BAHCC1: variants seen among roughly 807,000 people sequenced by gnomAD.
BAHCC1 encodes the protein BAH domain and coiled-coil containing 1.
In BAHCC1, 43 loss-of-function variants were observed where a neutral mutation model predicts 88.2. The ratio of observed to expected loss-of-function variants is 0.49; its 90% CI spans 0.38 to 0.63. The LOEUF (loss-of-function observed/expected upper bound fraction) is 0.63. Among genes scored for constraint, BAHCC1 ranks in the 20% least tolerant of loss-of-function variants. The pLI, the probability that BAHCC1 is intolerant of heterozygous loss-of-function variation, is 0.00. For synonymous variants in BAHCC1, 1,510 were observed against 745.5 expected (o/e 2.03, Z -16.71); for missense variants, 3,023 against 1,654.8 (o/e 1.83, Z -14.34).
rs1567997836 is a variant in BAHCC1, at chr17:81,411,327, C to G, written c.178+11410C>G. ...GAGCTGGACGTGCCGTCAGCCCAGGCCCCTGAGAGTGAGGCTGGAGAGACG... is the reference window on the plus strand; with the variant it reads ...GAGCTGGACGTGCCGTCAGCCCAGGGCCCTGAGAGTGAGGCTGGAGAGACG... On this transcript the variant is annotated intron_variant, in intron 2 of 27. Transcript: ENST00000675386. The surrounding 1 kb of genome is among the most constrained non-coding windows in gnomAD (Gnocchi z 6.2). 1.3e-5 allele frequency among the ~76,000 whole-genome samples: 2 copies of G among 151,954 alleles called. No homozygotes were observed. The highest frequency in any genetic ancestry group is 2.9e-5 in the Non-Finnish European group (2 of 67,946).
rs782320267 is a variant in BAHCC1 at position 81,461,679 on chromosome 17, C to T, written c.7016C>T (p.Ser2339Phe). 20 of 723,674 alleles carry T rather than the reference C, an allele frequency of 2.8e-5. No individual in the cohort carries two copies. The highest frequency in any genetic ancestry group is 5.2e-5 in the African/African-American group (3 of 57,656). 44.8% of individuals were successfully genotyped at this position (723,674 alleles called of 1,614,324 possible). A position where few individuals can be genotyped will look rare whatever the true frequency, so the allele number is the denominator to read the frequency against. ...TCCGTGTCCACCTCCAGCCTCTGCT[C>T]CTCCGACAACGAGGACTCGTCCTAC... Reference protein sequence around the residue: ...SGSVSTSSLCSSDNEDSSYSS... With the variant: ...SGSVSTSSLCFSDNEDSSYSS... Residue 2339 changes from serine to phenylalanine, a missense_variant, in exon 26 of 28, where the codon TCC (serine) becomes TTC (phenylalanine). By Grantham distance (155) the Ser-to-Phe change is radical. Transcript: ENST00000675386.
In BAHCC1 at chr17:81,445,614, G is replaced by A. The variant is rs1555654148; in HGVS notation, c.3096G>A (p.Val1032=). The A allele has an allele frequency of 4.1e-6, 3 of 730,426 alleles. No homozygotes were observed. The highest frequency in any genetic ancestry group is 1.5e-5 in the South Asian group (1 of 68,340). 45.2% of individuals were successfully genotyped at this position (730,426 alleles called of 1,614,324 possible). The change falls in exon 10 of 28, where the codon GTG becomes GTA. Residue 1032 remains valine, a synonymous_variant. Coordinates refer to ENST00000675386, the MANE Select transcript of BAHCC1 (RefSeq NM_001377448.1). ...GCAGCCCCGGGCCTGGCTCCCGGGT[G>A]CGCAGCGCCGAGGAAAAGAATGGGG... The part of the protein sequence containing the change: ...PASSPGPGSR[V]RSAEEKNGEG...
At chr17:81,417,446 A>G (rs1180679744) in intron 2 of BAHCC1, among the ~76,000 whole-genome samples, 1 of 151,448 alleles carries the variant, frequency 6.6e-6, no homozygotes, top group Non-Finnish European at 1.5e-5. Flanking sequence ...GCAGAGAGGG[A>G]GCCTGCCTGT....
rs1403244421 is a variant in BAHCC1 at position 81,456,429 on chromosome 17, G to A, written c.4702G>A (p.Glu1568Lys). 2 of 722,964 alleles carry A rather than the reference G, an allele frequency of 2.8e-6. No homozygotes were observed. Among genetic ancestry groups the A allele is most frequent in the Non-Finnish European group, 5.1e-6 (2 of 388,512 alleles). 44.8% of individuals were successfully genotyped at this position (722,964 alleles called of 1,614,324 possible). The change falls in exon 16 of 28, where the codon GAG becomes AAG. Residue 1568 changes from glutamate (E) to lysine (K), a missense_variant. Glu to Lys is a moderately conservative substitution (Grantham distance 56). Coordinates refer to ENST00000675386, the MANE Select transcript of BAHCC1 (RefSeq NM_001377448.1). ...AGGCCTCAGCTCTTTCCAGCAGAAG[G>A]AGGCTACCCCCGGGGGGCGCATCCG... ...PTGLSSFQQK[E>K]ATPGGRIREK...
chr17:81,425,031 GGGGTGATAGTGGT>G (rs2064160585), intron 2 of BAHCC1, among the ~76,000 whole-genome samples: 3 of 148,586 alleles, frequency 2.0e-5, no homozygotes, highest in Non-Finnish European at 4.5e-5. Context: ...GATGTGGTTG[GGGGTGATAGTGGT>G]GGGTGATGTG....
intron 2 of BAHCC1, among the ~76,000 whole-genome samples, chr17:81,424,147 C>T (rs1348226300): frequency 2.0e-5 from 3 of 152,342 alleles, no homozygotes; most frequent in East Asian, 1.9e-4. Context: ...TCCCTCTGCT[C>T]GCCTGAGACT....
At chr17:81,448,113 C>T (rs1234661410) in intron 11 of BAHCC1, among the ~76,000 whole-genome samples, 2 of 152,210 alleles carry the variant, frequency 1.3e-5, no homozygotes, top group Admixed American at 6.5e-5. Flanking sequence ...GGAAGGGCCT[C>T]TCGGGCAGCA....
Position 81,459,601 on chromosome 17 carries a change from C to T in BAHCC1, c.5902C>T (p.Arg1968Trp), listed in dbSNP as rs782547819. ...ATGTCTGTACCCGGGCAACGTGGTC[C>T]GGGGTAAGTTGCACCCAAAGCGGGG... ...SRCLYPGNVV[R>W]GASGDEDEDL... The change falls in exon 23 of 28, where the codon CGG becomes TGG. Residue 1968 changes from arginine (R) to tryptophan (W), a missense_variant. Coordinates refer to ENST00000675386, the MANE Select transcript of BAHCC1 (RefSeq NM_001377448.1). 11 of 779,502 alleles carry T rather than the reference C, an allele frequency of 1.4e-5. No individual in the cohort carries two copies. Among genetic ancestry groups the T allele is most frequent in the South Asian group, 6.7e-5 (5 of 74,630 alleles). The allele number at this position is 779,502 out of a possible 1,614,324, so 48.3% of individuals were successfully genotyped here.
chr17:81,463,631 C>T lies in BAHCC1; in HGVS notation c.7641C>T (p.Cys2547=). 1.3e-6 allele frequency: 1 copy of T among 779,656 alleles called. No homozygotes were observed. The highest frequency in any genetic ancestry group is 2.4e-6 in the Non-Finnish European group (1 of 417,886). 48.3% of individuals were successfully genotyped at this position (779,656 alleles called of 1,614,324 possible). Residue 2547 remains cysteine (C), a synonymous_variant, in exon 28 of 28, where the codon TGC becomes TGT. Coordinates refer to ENST00000675386, the MANE Select transcript of BAHCC1 (RefSeq NM_001377448.1). ...CDGKNALYQS[C]HEDENDVQTI... is the part of the protein sequence containing the mutation. ...CCCAGAATGCGCTGTACCAGTCCTGCCACGAGGATGAGAACGACGTGCAGA... is the reference window on the plus strand; with the variant it reads ...CCCAGAATGCGCTGTACCAGTCCTGTCACGAGGATGAGAACGACGTGCAGA...
In BAHCC1 at chr17:81,442,417, C is replaced by A; in HGVS notation, c.1068C>A (p.Pro356=). The A allele has an allele frequency of 1.4e-6, 1 of 702,030 alleles. No homozygotes were observed. The allele number at this position is 702,030 out of a possible 1,614,324, so 43.5% of individuals were successfully genotyped here. The change falls in exon 5 of 28, where the codon CCC becomes CCA. Residue 356 remains proline (P), a synonymous_variant. Transcript: ENST00000675386. The part of the protein sequence containing the change: ...HTASYAGPPP[P]LSTAAGSFPC... ...CATCCTACGCCGGGCCACCCCCGCC[C>A]CTCAGCACAGCCGCCGGCTCCTTCC...
In BAHCC1 at chr17:81,456,474, A is replaced by G. The variant is rs1442272850; in HGVS notation, c.4747A>G (p.Lys1583Glu). ...CATCCGGGAGAAGCTGTCCCGAGCC[A>G]AGAGTGCCAAGGTGTCTGGGGCCAC... Reference protein sequence around the residue: ...GRIREKLSRAKSAKVSGATRH... With the variant: ...GRIREKLSRAESAKVSGATRH... Residue 1583 changes from lysine (K) to glutamate (E), a missense_variant, in exon 16 of 28, where the codon AAG becomes GAG. Physicochemically the swap from Lys to Glu is moderately conservative, Grantham distance 56. Coordinates refer to ENST00000675386, the MANE Select transcript of BAHCC1 (RefSeq NM_001377448.1). 1.5e-5 allele frequency: 11 copies of G among 720,982 alleles called. No homozygotes were observed. The highest frequency in any genetic ancestry group is 2.8e-5 in the Non-Finnish European group (11 of 387,362). The allele number at this position is 720,982 out of a possible 1,614,324, so 44.7% of individuals were successfully genotyped here.
chr17:81,409,936 C>T lies in BAHCC1; in HGVS notation c.178+10019C>T, dbSNP rs374157878. The T allele has an allele frequency of 1.4e-3, 261 of 192,424 alleles. 2 individuals are homozygous for T. Among genetic ancestry groups the T allele is most frequent in the South Asian group, 0.013 (251 of 18,600 alleles). 11.9% of individuals were successfully genotyped at this position (192,424 alleles called of 1,614,324 possible). A position where few individuals can be genotyped will look rare whatever the true frequency, so the allele number is the denominator to read the frequency against. On this transcript the variant is annotated intron_variant, in intron 2 of 27. Coordinates refer to ENST00000675386, the MANE Select transcript of BAHCC1 (RefSeq NM_001377448.1). ...AGAGCACCTGGCCTCAGCGCCTGCC[C>T]GAGCTGAGGGGAGCGTGTGTAATGG...
At chr17:81,427,236 CAG>C (rs1209959534) in intron 3 of BAHCC1, among the ~76,000 whole-genome samples, 2,756 of 152,248 alleles carry the variant, frequency 0.018, 77 homozygotes, top group African/African-American at 0.059. Flanking sequence ...CAAGGGGAAA[CAG>C]GGGGGCCAGG....
chr17:81,457,508 G>A lies in BAHCC1; in HGVS notation c.4957G>A (p.Val1653Met), dbSNP rs61730239. 153 of 759,642 alleles carry A rather than the reference G, an allele frequency of 2.0e-4. 1 individual carries two copies. Among genetic ancestry groups the A allele is most frequent in the African/African-American group, 1.9e-3 (112 of 58,874 alleles). The allele number at this position is 759,642 out of a possible 1,614,324, so 47.1% of individuals were successfully genotyped here. ...LLLHTGASVA[V>M]LGPSPSSVVK... ...GCTGCACACCGGGGCCAGTGTGGCC[G>A]TGCTGGGGCCCTCACCCTCCTCTGT... Residue 1653 changes from valine to methionine, a missense_variant, in exon 17 of 28, where the codon GTG becomes ATG. Transcript: ENST00000675386.
At chr17:81,403,045 A>G (rs1216885587) in intron 2 of BAHCC1, 3 of 152,216 alleles carry the variant, frequency 2.0e-5, no homozygotes, top group Admixed American at 1.3e-4. Flanking sequence ...TGTGAAATCT[A>G]GGGGGGAGAA....
chr17:81,439,411 G>A (rs72853252), intron 4 of BAHCC1, among the ~76,000 whole-genome samples: 8,939 of 152,012 alleles, frequency 0.059, 307 homozygotes, highest in Middle Eastern at 0.12. Context: ...GGTCTAGGTG[G>A]CCCCCGGTTT....
intron 15 of BAHCC1, chr17:81,456,010 G>T (rs2064742258): frequency 2.1e-6 from 1 of 476,420 alleles, no homozygotes; most frequent in Non-Finnish European, 3.7e-6. Flanking sequence ...AAAGCTAACA[G>T]CCTGGCCCCA....
chr17:81,438,177 G>A (rs1434131534), intron 3 of BAHCC1, among the ~76,000 whole-genome samples, 193 bp from the exon 4 acceptor site: 2 of 152,256 alleles, frequency 1.3e-5, no homozygotes, highest in East Asian at 1.9e-4. Context: ...TGCCGCACCG[G>A]AGGGATGGCA....
rs781848313 is a variant in BAHCC1 at position 81,463,591 on chromosome 17, C to T, written c.7621-20C>T. Reference sequence around the variant, plus strand: ...ACTGGCCAAGGCCGGCCACTGATGCCCCGCGCGCCTTGCCCCCAGAATGCG... The same window carrying T: ...ACTGGCCAAGGCCGGCCACTGATGCTCCGCGCGCCTTGCCCCCAGAATGCG... On this transcript the variant is annotated intron_variant, in intron 27 of 27. Coordinates refer to ENST00000675386, the MANE Select transcript of BAHCC1 (RefSeq NM_001377448.1). 3.9e-6 allele frequency: 3 copies of T among 778,840 alleles called. No homozygotes were observed. Among genetic ancestry groups the T allele is most frequent in the Non-Finnish European group, 7.2e-6 (3 of 417,768 alleles). 48.2% of individuals were successfully genotyped at this position (778,840 alleles called of 1,614,324 possible).
Sources: gnomAD v4.1 joint callset for allele counts (sites outside exome capture counted in the v4.1 genomes callset) on GRCh38, gnomAD v4.1.1 for gene constraint, Gnocchi (gnomAD v3.1) non-coding constraint, MANE v1.5 for transcripts, NCBI Gene and HGNC (gene_info 2026-07-23, HGNC 2026-07-21) for gene names.